Variants in GPC6 observed in about 807,000 individuals in gnomAD.
GPC6 encodes the protein glypican 6.
A neutral mutation model predicts 55.2 loss-of-function variants in GPC6; 14 were observed. The observed-to-expected ratio is 0.25, with a 90% CI of 0.17 to 0.40. The LOEUF (loss-of-function observed/expected upper bound fraction) is 0.40, where lower values mean the gene tolerates loss of function less well. Among genes scored for constraint, GPC6 ranks in the 10% least tolerant of loss-of-function variants. GPC6 has a pLI of 1.00. For missense variants in GPC6, 641 were observed against 708.5 expected (o/e 0.90, Z 1.08); for synonymous variants, 278 against 259.6 (o/e 1.07, Z -0.68).
intron 1 of GPC6, among the ~76,000 whole-genome samples, chr13:93,511,011 G>A (rs1345995773): frequency 7.3e-5 from 3 of 40,836 alleles, no homozygotes; most frequent in African/African-American, 1.1e-4. Flanking sequence ...ATATATTCAT[G>A]TCCTTTGGCC....
At chr13:94,230,969 C>T (rs1191011359) in intron 4 of GPC6, among the ~76,000 whole-genome samples, 1 of 152,014 alleles carries the variant, frequency 6.6e-6, no homozygotes, top group African/African-American at 2.4e-5. Flanking sequence ...GGAAGGGAGA[C>T]AGGGAGATTC....
intron 3 of GPC6, among the ~76,000 whole-genome samples, chr13:93,987,548 C>A (rs1480876576): frequency 6.6e-6 from 1 of 152,178 alleles, no homozygotes; most frequent in Admixed American, 6.5e-5. Flanking sequence ...TGAAAATATT[C>A]TTTCTACAGA....
chr13:94,172,651 C>A (rs1471881798), intron 4 of GPC6, among the ~76,000 whole-genome samples: 1 of 152,194 alleles, frequency 6.6e-6, no homozygotes, highest in Non-Finnish European at 1.5e-5. Flanking sequence ...GAAAATATTG[C>A]TCTCTGGCTC....
intron 6 of GPC6, among the ~76,000 whole-genome samples, chr13:94,306,741 T>C (rs748765762): frequency 6.6e-5 from 10 of 152,156 alleles, no homozygotes; most frequent in Non-Finnish European, 1.0e-4. Context: ...ACATAGTAAA[T>C]ACAATTTTTA....
At chr13:93,716,650 C>G (rs1883262800) in intron 2 of GPC6, among the ~76,000 whole-genome samples, 1 of 151,430 alleles carries the variant, frequency 6.6e-6, no homozygotes, top group African/African-American at 2.4e-5. Flanking sequence ...AAAATAAAAA[C>G]ATTACAATAA....
intron 1 of GPC6, among the ~76,000 whole-genome samples, chr13:93,329,103 A>C (rs1403655407): frequency 1.3e-5 from 2 of 152,158 alleles, no homozygotes; most frequent in African/African-American, 4.8e-5. Flanking sequence ...CCTAGATTAA[A>C]CTTTGGACCT....
At chr13:94,244,188 A>G (rs944609594) in intron 4 of GPC6, among the ~76,000 whole-genome samples, 21 of 152,124 alleles carry the variant, frequency 1.4e-4, no homozygotes, top group African/African-American at 3.9e-4. Context: ...AAGAATACAA[A>G]TGATTTATCT....
intron 3 of GPC6, among the ~76,000 whole-genome samples, chr13:94,018,009 A>C (rs927610049): frequency 2.6e-5 from 4 of 152,172 alleles, no homozygotes; most frequent in Non-Finnish European, 5.9e-5. Context: ...TATCTTAGAG[A>C]GAAATCTTTC....
At chr13:93,468,670 T>C (rs923018406) in intron 1 of GPC6, among the ~76,000 whole-genome samples, 3 of 152,102 alleles carry the variant, frequency 2.0e-5, no homozygotes, top group Non-Finnish European at 4.4e-5. Flanking sequence ...GAGAAGAGCA[T>C]GCATAATATT....
chr13:93,483,833 A>G (rs1272723501), intron 1 of GPC6, among the ~76,000 whole-genome samples: 1 of 152,118 alleles, frequency 6.6e-6, no homozygotes, highest in African/African-American at 2.4e-5. Flanking sequence ...CTAAAATTAT[A>G]TTAGATCACA....
At chr13:94,066,371 T>C (rs1208966076) in intron 4 of GPC6, among the ~76,000 whole-genome samples, 2 of 152,198 alleles carry the variant, frequency 1.3e-5, no homozygotes, top group African/African-American at 4.8e-5. Flanking sequence ...CTACTTTCTC[T>C]ACTGTAAATA....
intron 2 of GPC6, among the ~76,000 whole-genome samples, chr13:93,733,902 CTCT>C (rs1353300279): frequency 6.6e-6 from 1 of 152,138 alleles, no homozygotes; most frequent in East Asian, 1.9e-4. Flanking sequence ...TTTTTCTTTG[CTCT>C]TCTTCTTAGT....
At chr13:93,414,177 C>A (rs897459292) in intron 1 of GPC6, among the ~76,000 whole-genome samples, 3 of 152,092 alleles carry the variant, frequency 2.0e-5, no homozygotes, top group African/African-American at 7.2e-5. Context: ...ACCATGTCAA[C>A]TAGGTACTTC....
At chr13:93,930,935 T>C (rs1878134016) in intron 3 of GPC6, among the ~76,000 whole-genome samples, 1 of 151,916 alleles carries the variant, frequency 6.6e-6, no homozygotes, top group Admixed American at 6.6e-5. Flanking sequence ...TGGTGGAAGG[T>C]GAAAGGAAAG....
intron 4 of GPC6, among the ~76,000 whole-genome samples, chr13:94,046,729 G>A (rs1883746571): frequency 1.3e-4 from 20 of 152,004 alleles, no homozygotes; most frequent in Admixed American, 1.3e-3. Context: ...GCGTTTGTGT[G>A]TCTATATGTC....
chr13:94,068,413 G>A (rs1411066065), intron 4 of GPC6, among the ~76,000 whole-genome samples: 3 of 152,150 alleles, frequency 2.0e-5, no homozygotes, highest in African/African-American at 7.2e-5. Context: ...TTTGGGTGGG[G>A]ACACAGCCAA....
intron 2 of GPC6, among the ~76,000 whole-genome samples, chr13:93,731,334 C>G (rs952583368): frequency 6.6e-5 from 10 of 152,128 alleles, no homozygotes; most frequent in African/African-American, 2.4e-4. Context: ...CAGATTGCTC[C>G]TCACCGTGGC....
At chr13:93,509,114 C>A (rs1430765340) in intron 1 of GPC6, among the ~76,000 whole-genome samples, 1 of 151,996 alleles carries the variant, frequency 6.6e-6, no homozygotes, top group Non-Finnish European at 1.5e-5. Context: ...ACAGAAGAGG[C>A]AAAATTAATA....
At position 93,841,960 on chromosome 13, in the gene GPC6, CT is replaced by C. The variant is rs142369609; in HGVS notation, c.711+11416del. On this transcript the variant is annotated intron_variant, in intron 3 of 8. Coordinates refer to ENST00000377047, the MANE Select transcript of GPC6 (RefSeq NM_005708.5). ...ATTAATTACGGAAACATTATGCATACTATTTTTATAGTAGGTACAAATACAA... is the reference window on the plus strand; with the variant it reads ...ATTAATTACGGAAACATTATGCATACATTTTTATAGTAGGTACAAATACAA... 3.5e-3 allele frequency among the ~76,000 whole-genome samples: 538 copies of C among 152,204 alleles called. 1 individual carries two copies. Among genetic ancestry groups the C allele is most frequent in the African/African-American group, 0.013 (526 of 41,548 alleles).
Sources: allele counts gnomAD v4.1 joint callset (sites outside exome capture counted in the v4.1 genomes callset), GRCh38; gene constraint gnomAD v4.1.1; transcripts MANE v1.5; gene names NCBI Gene and HGNC (gene_info 2026-07-23, HGNC 2026-07-21).